Variants in CHST1 observed in about 807,000 individuals in gnomAD.
CHST1 encodes the protein carbohydrate sulfotransferase 1, also known as Keratan sulfotransferase.
A neutral mutation model predicts 22.5 loss-of-function variants in CHST1; 10 were observed. The ratio of observed to expected loss-of-function variants is 0.44; its 90% CI spans 0.27 to 0.75. CHST1 has a LOEUF of 0.75. Among genes scored for constraint, CHST1 ranks in the 30% least tolerant of loss-of-function variants. The probability of loss-of-function intolerance (pLI) is 0.15; values close to 1 mark genes in which losing one functional copy is unlikely to be tolerated. For missense variants in CHST1, 439 were observed against 576.1 expected (o/e 0.76, Z 2.44); for synonymous variants, 267 against 264.5 (o/e 1.01, Z -0.09).
chr11:45,652,300 C>A (rs1852008258), intron 2 of CHST1, among the ~76,000 whole-genome samples: 2 of 152,222 alleles, frequency 1.3e-5, no homozygotes, highest in South Asian at 4.1e-4. Context: ...CCCTCTGAGT[C>A]CTGGACTGTA....
chr11:45,649,859 G>A lies in CHST1; in HGVS notation c.1065C>T (p.Ala355=). The change falls in exon 4 of 4, where the codon GCC becomes GCT. Residue 355 remains alanine (A), a synonymous_variant. Coordinates refer to ENST00000308064, the MANE Select transcript of CHST1 (RefSeq NM_003654.6). ...HKYGTVRNSA[A]TAEKWRFRLS... ...GGCGGAAGCGCCACTTCTCGGCCGTGGCCGCCGAGTTTCGCACGGTGCCGT... is the reference window on the plus strand; with the variant it reads ...GGCGGAAGCGCCACTTCTCGGCCGTAGCCGCCGAGTTTCGCACGGTGCCGT... 1.9e-6 allele frequency: 3 copies of A among 1,611,144 alleles called. No homozygotes were observed. The highest frequency in any genetic ancestry group is 2.5e-6 in the Non-Finnish European group (3 of 1,179,962).
chr11:45,665,009 C>G lies in CHST1; in HGVS notation c.-227+169G>C, dbSNP rs1254537640. 6.6e-6 allele frequency among the ~76,000 whole-genome samples: 1 copy of G among 152,042 alleles called. No homozygotes were observed. Among genetic ancestry groups the G allele is most frequent in the African/African-American group, 2.4e-5 (1 of 41,418 alleles). ...GGCCACCAGCCCCGGCAGCCCCTTCCTGCGCCCAACACGCCGCCGTTCCTC... is the reference window on the plus strand; with the variant it reads ...GGCCACCAGCCCCGGCAGCCCCTTCGTGCGCCCAACACGCCGCCGTTCCTC... On this transcript the variant is annotated intron_variant, in intron 1 of 3. Coordinates refer to ENST00000308064, the MANE Select transcript of CHST1 (RefSeq NM_003654.6). This position sits in a 1 kb window ranked among gnomAD's most constrained non-coding sequence, Gnocchi z 4.0.
rs1381216689 is a variant in CHST1 at position 45,649,907 on chromosome 11, G to A, written c.1017C>T (p.Asp339=). Residue 339 remains aspartate (D), a synonymous_variant, in exon 4 of 4, where the codon GAC becomes GAT. Transcript: ENST00000308064. ...CGTATTTGTGCTTGCCCAGGGTGGG[G>A]TCGCCCCGCGTGTTGTTCTGGATCC... The part of the protein sequence containing the change: ...ARWIQNNTRG[D]PTLGKHKYGT... 1.2e-6 allele frequency: 2 copies of A among 1,612,138 alleles called. No individual in the cohort carries two copies. Among genetic ancestry groups the A allele is most frequent in the Non-Finnish European group, 1.7e-6 (2 of 1,180,008 alleles).
At position 45,649,478 on chromosome 11, in the gene CHST1, C is replaced by A; in HGVS notation, c.*210G>T. Reference sequence around the variant, plus strand: ...GGGGGGGGGGGGCGGGACCCTACTTCAGGCGCCCTCTGCCCCAGTGATTCC... The same window carrying A: ...GGGGGGGGGGGGCGGGACCCTACTTAAGGCGCCCTCTGCCCCAGTGATTCC... On this transcript the variant is annotated 3_prime_UTR_variant, in exon 4 of 4. Coordinates refer to ENST00000308064, the MANE Select transcript of CHST1 (RefSeq NM_003654.6). 1.8e-6 allele frequency: 1 copy of A among 564,356 alleles called. No homozygotes were observed. Among genetic ancestry groups the A allele is most frequent in the Non-Finnish European group, 3.1e-6 (1 of 325,028 alleles). The allele number at this position is 564,356 out of a possible 1,614,324, so 35.0% of individuals were successfully genotyped here.
intron 1 of CHST1, among the ~76,000 whole-genome samples, chr11:45,662,517 G>GC (rs1852148151): frequency 6.6e-6 from 1 of 152,210 alleles, no homozygotes; most frequent in Admixed American, 6.5e-5. Context: ...CAGGAGGCCA[G>GC]CCCAGCAAGA....
intron 1 of CHST1, among the ~76,000 whole-genome samples, chr11:45,660,418 G>A (rs1015827248): frequency 3.9e-5 from 6 of 152,110 alleles, no homozygotes; most frequent in African/African-American, 1.4e-4. Context: ...ATTCAGCTTT[G>A]TTGACCCTTT....
At chr11:45,651,097 G>T (rs1851993670) in intron 3 of CHST1, 132 bp from the exon 4 acceptor site, 1 of 578,364 alleles carries the variant, frequency 1.7e-6, no homozygotes, top group Non-Finnish European at 2.8e-6. Flanking sequence ...ACACCCTGAA[G>T]ACCTAAGCAG....
chr11:45,661,926 G>A (rs1437446819), intron 1 of CHST1, among the ~76,000 whole-genome samples: 1 of 152,132 alleles, frequency 6.6e-6, no homozygotes, highest in Non-Finnish European at 1.5e-5. Context: ...CACTGGGGCG[G>A]GGAGCCCCTC....
rs370921522 is a variant in CHST1 at position 45,650,386 on chromosome 11, C to T, written c.538G>A (p.Asp180Asn). The T allele has an allele frequency of 6.2e-7, 1 of 1,604,390 alleles. No homozygotes were observed. Among genetic ancestry groups the T allele is most frequent in the South Asian group, 1.1e-5 (1 of 91,042 alleles). Residue 180 changes from aspartate to asparagine, a missense_variant, in exon 4 of 4, where the codon GAC becomes AAC. Transcript: ENST00000308064. ...AGTAGCCCGCACTTGCGCACACAGT[C>T]CCCCTCCTCCAGGACCAGGTCGGCT... is the stretch of plus-strand genomic sequence containing the variant. ...GPADLVLEEG[D>N]CVRKCGLLNL... is the part of the protein sequence containing the mutation.
At position 45,650,717 on chromosome 11, in the gene CHST1, C is replaced by A. The variant is rs774408481; in HGVS notation, c.207G>T (p.Thr69=). The change falls in exon 4 of 4, where the codon ACG becomes ACT. Residue 69 remains threonine (T), a synonymous_variant. Transcript: ENST00000308064. ...GGCCCACGAAGGAGGAGCCACTGCG[C>A]GTGGTGGCCAGGATGAGGATGTGGG... is the stretch of plus-strand genomic sequence containing the variant. ...RKTHILILAT[T]RSGSSFVGQL... 6.2e-7 allele frequency: 1 copy of A among 1,614,104 alleles called. No homozygotes were observed.
chr11:45,654,479 G>A (rs956977004), intron 1 of CHST1, among the ~76,000 whole-genome samples: 38 of 152,250 alleles, frequency 2.5e-4, no homozygotes, highest in African/African-American at 9.2e-4. Flanking sequence ...CTCCCAGCCT[G>A]GCAGAGCTGG....
In CHST1 at chr11:45,656,730, C is replaced by G. The variant is rs144280234; in HGVS notation, c.-226-4124G>C. Among the ~76,000 whole-genome samples the G allele has an allele frequency of 3.6e-3, 512 of 142,554 alleles. 5 individuals are homozygous for G. The highest frequency in any genetic ancestry group is 0.013 in the African/African-American group (486 of 38,704). The allele number at this position is 142,554 out of a possible 152,430, so 93.5% of individuals were successfully genotyped here. Reference sequence around the variant, plus strand: ...CACTGTGCCTCCCACCCTCCCCCCCCAGGCACTGCCAGCCAGCTCTCCCCA... The same window carrying G: ...CACTGTGCCTCCCACCCTCCCCCCCGAGGCACTGCCAGCCAGCTCTCCCCA... On this transcript the variant is annotated intron_variant, in intron 1 of 3. Transcript: ENST00000308064.
intron 1 of CHST1, among the ~76,000 whole-genome samples, chr11:45,657,635 T>A (rs1852078959): frequency 6.6e-6 from 1 of 152,166 alleles, no homozygotes; most frequent in African/African-American, 2.4e-5. Context: ...TCCTAGAGCA[T>A]CCTTCCATGT....
intron 1 of CHST1, among the ~76,000 whole-genome samples, chr11:45,661,628 C>A (rs988546747): frequency 5.3e-5 from 8 of 152,194 alleles, no homozygotes; most frequent in Admixed American, 2.0e-4. Flanking sequence ...ACAAGCAAAC[C>A]CCAGAAATCT....
Position 45,648,476 on chromosome 11 carries a change from A to G in CHST1, c.*1212T>C, listed in dbSNP as rs1465848125. On this transcript the variant is annotated 3_prime_UTR_variant, in exon 4 of 4. Transcript: ENST00000308064. ...GCAGGAGGAATGCCCAGAGCTCAGGAGTTCGCGACCAGCCTGGACAACACG... is the reference window on the plus strand; with the variant it reads ...GCAGGAGGAATGCCCAGAGCTCAGGGGTTCGCGACCAGCCTGGACAACACG... Among the ~76,000 whole-genome samples, 3 of 151,216 alleles carry G rather than the reference A, an allele frequency of 2.0e-5. No homozygotes were observed. The highest frequency in any genetic ancestry group is 2.1e-4 in the South Asian group (1 of 4,780).
intron 1 of CHST1, among the ~76,000 whole-genome samples, chr11:45,655,192 G>T (rs1353370924): frequency 6.6e-6 from 1 of 152,170 alleles, no homozygotes; most frequent in African/African-American, 2.4e-5. Flanking sequence ...TTATAACAAG[G>T]CTGTTGTGAG....
At position 45,650,973 on chromosome 11, in the gene CHST1, C is replaced by T. The variant is rs1050474430; in HGVS notation, c.-42-8G>A. ...TTCTCCAAGGGGTGAGGTCTGTGGG[C>T]AAAGGCGGCCAGCGGTCAGGTGCCT... On this transcript the variant is annotated splice_region_variant and splice_polypyrimidine_tract_variant and intron_variant, in intron 3 of 3. Coordinates refer to ENST00000308064, the MANE Select transcript of CHST1 (RefSeq NM_003654.6). 2.0e-6 allele frequency: 3 copies of T among 1,504,374 alleles called. No individual in the cohort carries two copies. Among genetic ancestry groups the T allele is most frequent in the Non-Finnish European group, 2.7e-6 (3 of 1,128,184 alleles). The allele number at this position is 1,504,374 out of a possible 1,614,324, so 93.2% of individuals were successfully genotyped here.
At position 45,650,835 on chromosome 11, in the gene CHST1, G is replaced by T. The variant is rs2120320954; in HGVS notation, c.89C>A (p.Ser30Tyr). The T allele has an allele frequency of 6.2e-7, 1 of 1,605,204 alleles. No individual in the cohort carries two copies. Among genetic ancestry groups the T allele is most frequent in the Non-Finnish European group, 8.5e-7 (1 of 1,174,826 alleles). The change falls in exon 4 of 4, where the codon TCC becomes TAC. Residue 30 changes from serine to tyrosine, a missense_variant. Transcript: ENST00000308064. Reference protein sequence around the residue: ...YTAIRTFTAKSFHTCPGLAEA... With the variant: ...YTAIRTFTAKYFHTCPGLAEA... Reference sequence around the variant, plus strand: ...TGCCAGCCCGGGGCAGGTGTGAAAGGACTTGGCGGTGAAGGTGCGGATGGC... The same window carrying T: ...TGCCAGCCCGGGGCAGGTGTGAAAGTACTTGGCGGTGAAGGTGCGGATGGC...
chr11:45,651,026 T>G, intron 3 of CHST1, 61 bp from the exon 4 acceptor site: 2 of 1,294,860 alleles, frequency 1.5e-6, no homozygotes, highest in African/African-American at 1.5e-5. Context: ...GCTTGTCCCT[T>G]GGAAGAGCCG....
Sources: allele counts gnomAD v4.1 joint callset (sites outside exome capture counted in the v4.1 genomes callset), GRCh38; gene constraint gnomAD v4.1.1; non-coding constraint Gnocchi (gnomAD v3.1); transcripts MANE v1.5; gene names NCBI Gene and HGNC (gene_info 2026-07-23, HGNC 2026-07-21).